The following PKHD1 variants were observed in gnomAD, a reference collection of about 807,000 sequenced individuals.
PKHD1 encodes the protein PKHD1 ciliary IPT domain containing fibrocystin/polyductin, also known as fibrocystin.
Under a neutral mutation model 412.0 loss-of-function variants are expected in PKHD1, and 291 were observed. The observed-to-expected ratio is 0.71, with a 90% confidence interval of 0.64 to 0.78. PKHD1 has a LOEUF of 0.78. Among genes scored for constraint, PKHD1 ranks in the 30% least tolerant of loss-of-function variants. The probability of loss-of-function intolerance (pLI) is 0.00; values close to 1 mark genes in which losing one functional copy is unlikely to be tolerated. For missense variants in PKHD1, 4,825 were observed against 4,950.7 expected, an observed-to-expected ratio of 0.97 and a Z score of 0.76; for synonymous variants, 1,777 against 1,821.5, an observed-to-expected ratio of 0.98 and a Z score of 0.62.
chr6:51,852,902 C>T (rs1361470862), intron 49 of PKHD1, among the ~76,000 whole-genome samples: 4 of 152,058 alleles, frequency 2.6e-5, no homozygotes, highest in Admixed American at 2.0e-4. Context: ...GCATTTAGCC[C>T]ATTTACATTT....
intron 35 of PKHD1, among the ~76,000 whole-genome samples, chr6:51,981,353 C>CTCCGTCTCCG: frequency 1.0e-5 from 1 of 96,652 alleles, no homozygotes; most frequent in African/African-American, 3.3e-5. Context: ...CTCCCTCTCC[C>CTCCGTCTCCG]TCTCCCTCTC....
rs1160328345 is a variant in PKHD1 at position 51,659,505 on chromosome 6, T to C, written c.10621A>G (p.Asn3541Asp). ...IGANYFNIMD[N>D]LLYVVLQGEE... Reference sequence around the variant, plus strand: ...CCTTGTAGGACAACATACAAGAGGTTATCCATGATGTTGAAATAGTTGGCA... The same window carrying C: ...CCTTGTAGGACAACATACAAGAGGTCATCCATGATGTTGAAATAGTTGGCA... Residue 3541 changes from asparagine to aspartate, a missense_variant, in exon 61 of 67, where the codon AAC becomes GAC. Coordinates refer to ENST00000371117, the MANE Select transcript of PKHD1 (RefSeq NM_138694.4). 1.2e-6 allele frequency: 2 copies of C among 1,613,624 alleles called. No homozygotes were observed. Among genetic ancestry groups the C allele is most frequent in the Non-Finnish European group, 8.5e-7 (1 of 1,179,750 alleles).
chr6:51,766,804 A>AT (rs1335938119), intron 55 of PKHD1, among the ~76,000 whole-genome samples: 2 of 151,864 alleles, frequency 1.3e-5, no homozygotes, highest in African/African-American at 4.8e-5. Context: ...GGGTGCAAAC[A>AT]TTTTCTAGTT....
rs67717102 is a variant in PKHD1 at position 51,643,394 on chromosome 6, T to TA, written c.11399-4439dup. On this transcript the variant is annotated intron_variant, in intron 63 of 66. Coordinates refer to ENST00000371117, the MANE Select transcript of PKHD1 (RefSeq NM_138694.4). ...AACTGAACTGCCCACATTAAAAAAA[T>TA]AAAAAAAAAAATGACCAGGAGCAAC... Among the ~76,000 whole-genome samples the TA allele has an allele frequency of 7.0e-4, 104 of 148,686 alleles. 1 individual carries two copies. The highest frequency in any genetic ancestry group is 4.1e-3 in the East Asian group (21 of 5,066).
At chr6:51,675,341 T>C (rs548938859) in intron 60 of PKHD1, among the ~76,000 whole-genome samples, 1 of 152,334 alleles carries the variant, frequency 6.6e-6, no homozygotes, top group Non-Finnish European at 1.5e-5. Flanking sequence ...GGTTTAGTTT[T>C]GAGTAATGAT....
intron 29 of PKHD1, among the ~76,000 whole-genome samples, chr6:52,028,904 T>C (rs561068991): frequency 1.4e-4 from 22 of 152,364 alleles, no homozygotes; most frequent in Non-Finnish European, 2.2e-4. Flanking sequence ...CACTAACTTA[T>C]TTCCATGCAA....
Position 52,056,880 on chromosome 6 carries a change from A to G in PKHD1, c.1602+10T>C, listed in dbSNP as rs1434345139. ...ACTCCCCTCCCTCATTTTTTGAAGAAGTCTCCCACCAGATGGGCTGTGGCA... is the reference window on the plus strand; with the variant it reads ...ACTCCCCTCCCTCATTTTTTGAAGAGGTCTCCCACCAGATGGGCTGTGGCA... On this transcript the variant is annotated intron_variant, in intron 17 of 66. Coordinates refer to ENST00000371117, the MANE Select transcript of PKHD1 (RefSeq NM_138694.4). 6.2e-7 allele frequency: 1 copy of G among 1,608,274 alleles called. No homozygotes were observed. The highest frequency in any genetic ancestry group is 8.5e-7 in the Non-Finnish European group (1 of 1,174,778).
rs79248707 is a variant in PKHD1 at position 51,864,813 on chromosome 6, T to C, written c.7733+3050A>G. On this transcript the variant is annotated intron_variant, in intron 48 of 66. Coordinates refer to ENST00000371117, the MANE Select transcript of PKHD1 (RefSeq NM_138694.4). The stretch of plus-strand genomic sequence containing the variant: ...ATTCTTTTTTTCATATTAAGTCTTA[T>C]CTATATGGTGGGTAATTCACTCTTA... 1.3e-3 allele frequency among the ~76,000 whole-genome samples: 199 copies of C among 152,244 alleles called. 6 individuals carry two copies. The East Asian group carries it at 0.036, about 28-fold the overall frequency.
chr6:52,028,709 G>C (rs1457739663), intron 29 of PKHD1, among the ~76,000 whole-genome samples: 3 of 151,930 alleles, frequency 2.0e-5, no homozygotes, highest in Non-Finnish European at 4.4e-5. Context: ...ACAGGGTTTT[G>C]ACATGTTGCC....
At position 51,906,225 on chromosome 6, in the gene PKHD1, C is replaced by A. The variant is rs747038764; in HGVS notation, c.6798G>T (p.Ala2266=). 3.7e-6 allele frequency: 6 copies of A among 1,611,702 alleles called. No homozygotes were observed. Among genetic ancestry groups the A allele is most frequent in the Non-Finnish European group, 5.1e-6 (6 of 1,178,240 alleles). Residue 2266 remains alanine, a synonymous_variant, in exon 41 of 67, where the codon GCG becomes GCT. Coordinates refer to ENST00000371117, the MANE Select transcript of PKHD1 (RefSeq NM_138694.4). ...GCTTGTTTTACTTACCAACTAGCAG[C>A]GCATGACCTAAAATATTGTAGAATA... ...SNVFYNILGH[A]LLVGTCTEMR...
chr6:51,887,352 C>A, intron 43 of PKHD1, 107 bp from the exon 44 acceptor site: 1 of 757,580 alleles, frequency 1.3e-6, no homozygotes, highest in Admixed American at 1.9e-5. Context: ...TCACTTTCTG[C>A]CAAAGTACAT....
At chr6:51,811,316 T>A (rs764378407) in intron 52 of PKHD1, among the ~76,000 whole-genome samples, 1 of 152,174 alleles carries the variant, frequency 6.6e-6, no homozygotes, top group Admixed American at 6.6e-5. Context: ...TGTCATTGTA[T>A]TGTTTATAAA....
At chr6:51,915,040 T>C (rs1783557790) in intron 37 of PKHD1, among the ~76,000 whole-genome samples, 1 of 152,064 alleles carries the variant, frequency 6.6e-6, no homozygotes, top group African/African-American at 2.4e-5. Flanking sequence ...TTGTGGGCCA[T>C]TTATTTGAGC....
At position 51,746,781 on chromosome 6, in the gene PKHD1, C is replaced by T. The variant is rs763499782; in HGVS notation, c.9938G>A (p.Arg3313Lys). The T allele has an allele frequency of 1.8e-5, 29 of 1,611,554 alleles. No homozygotes were observed. In the Admixed American group the frequency reaches 4.5e-4, roughly 25 times the overall value. ...ATCTTTTATCTTTAGCATCCTGGTC[C>T]TCTCTGCTGTTATTGGGTGCATAAT... The part of the protein sequence containing the change: ...SGIMHPITAE[R>K]TRMLKIKDKN... Residue 3313 changes from arginine (R) to lysine (K), a missense_variant, in exon 59 of 67, where the codon AGG becomes AAG. Transcript: ENST00000371117.
At chr6:52,073,989 C>A (rs1811009567) in intron 6 of PKHD1, among the ~76,000 whole-genome samples, 1 of 152,200 alleles carries the variant, frequency 6.6e-6, no homozygotes, top group Non-Finnish European at 1.5e-5. Context: ...CTAAAATGAA[C>A]ATGTGATATG....
Position 51,753,448 on chromosome 6 carries a change from C to A in PKHD1, c.8798-95G>T. 4 of 978,384 alleles carry A rather than the reference C, an allele frequency of 4.1e-6. No individual in the cohort carries two copies. The South Asian group carries it at 5.3e-5, about 13-fold the overall frequency. The allele number at this position is 978,384 out of a possible 1,614,324, so 60.6% of individuals were successfully genotyped here. ...CAGCAAACCTGAGAAATGAAAACATCCTTTCCCCTCAGAAGTTCTACCAAC... is the reference window on the plus strand; with the variant it reads ...CAGCAAACCTGAGAAATGAAAACATACTTTCCCCTCAGAAGTTCTACCAAC... On this transcript the variant is annotated intron_variant, in intron 56 of 66. Coordinates refer to ENST00000371117, the MANE Select transcript of PKHD1 (RefSeq NM_138694.4).
At chr6:51,671,495 T>G (rs980624590) in intron 60 of PKHD1, among the ~76,000 whole-genome samples, 6 of 152,332 alleles carry the variant, frequency 3.9e-5, no homozygotes, top group East Asian at 3.9e-4. Context: ...TGGTTTGAAT[T>G]TCCTCCCGTA....
chr6:51,641,603 T>C (rs1769358222), intron 63 of PKHD1, among the ~76,000 whole-genome samples: 1 of 152,182 alleles, frequency 6.6e-6, no homozygotes, highest in South Asian at 2.1e-4. Flanking sequence ...TGTATGTTTA[T>C]TGCAGCACAC....
intron 35 of PKHD1, among the ~76,000 whole-genome samples, chr6:51,993,336 A>G (rs1286808887): frequency 6.6e-6 from 1 of 152,224 alleles, no homozygotes; most frequent in Non-Finnish European, 1.5e-5. Context: ...ACATCTCATC[A>G]GTGTCACTGT....
Sources: gnomAD v4.1 joint callset for allele counts (sites outside exome capture counted in the v4.1 genomes callset) on GRCh38, gnomAD v4.1.1 for gene constraint, MANE v1.5 for transcripts, NCBI Gene and HGNC (gene_info 2026-07-23, HGNC 2026-07-21) for gene names.